Variants in DEPTOR observed in about 807,000 individuals in gnomAD.
DEPTOR encodes the protein DEP domain containing MTOR interacting protein.
A neutral mutation model predicts 41.6 loss-of-function variants in DEPTOR; 41 were observed. The observed-to-expected ratio is 0.98, with a 90% CI of 0.77 to 1.28. DEPTOR has a LOEUF of 1.28. Among genes scored for constraint, DEPTOR ranks in the 50% most tolerant of loss-of-function variants. DEPTOR has a pLI of 0.00. For synonymous variants in DEPTOR, 195 were observed against 192.3 expected, an observed-to-expected ratio of 1.01 and a Z score of -0.12; for missense variants, 514 against 527.9, an observed-to-expected ratio of 0.97 and a Z score of 0.26.
intron 1 of DEPTOR, among the ~76,000 whole-genome samples, chr8:119,906,701 T>C (rs1827668520): frequency 6.6e-6 from 1 of 152,104 alleles, no homozygotes. Context: ...ACCATAAGCC[T>C]AAAGTGATGG....
Position 119,874,036 on chromosome 8 carries a change from G to T in DEPTOR, c.122+68G>T. On this transcript the variant is annotated intron_variant, in intron 1 of 8. Transcript: ENST00000286234. The stretch of plus-strand genomic sequence containing the variant: ...CAACGCGTGCCCGCTGCAGTCCTGC[G>T]CGCACGCGCTCCCTGGCTCGTGGCT... 5 of 1,591,960 alleles carry T rather than the reference G, an allele frequency of 3.1e-6. No individual in the cohort carries two copies. The South Asian group carries it at 3.4e-5, about 11-fold the overall frequency.
chr8:119,957,198 T>C (rs1828428901), intron 3 of DEPTOR, among the ~76,000 whole-genome samples: 1 of 152,116 alleles, frequency 6.6e-6, no homozygotes, highest in African/African-American at 2.4e-5. Context: ...TTGGGGTTGT[T>C]TTTAGTATAT....
At chr8:119,886,953 G>A (rs1050403079) in intron 1 of DEPTOR, among the ~76,000 whole-genome samples, 4 of 152,106 alleles carry the variant, frequency 2.6e-5, no homozygotes, top group African/African-American at 4.8e-5. Context: ...GATACCAAGT[G>A]AAATAAGAGA....
At chr8:119,963,388 T>A (rs1828516697) in intron 3 of DEPTOR, among the ~76,000 whole-genome samples, 1 of 151,936 alleles carries the variant, frequency 6.6e-6, no homozygotes, top group South Asian at 2.1e-4. Context: ...TCTCCCTCTG[T>A]CACTCAGGCT....
intron 4 of DEPTOR, among the ~76,000 whole-genome samples, 200 bp from the exon 5 acceptor site, chr8:120,001,325 T>C (rs1475588987): frequency 6.6e-6 from 1 of 152,108 alleles, no homozygotes; most frequent in Non-Finnish European, 1.5e-5. Flanking sequence ...CCAGAGGAAT[T>C]GGTTAGCAAA....
chr8:119,923,372 T>A (rs1396474735), intron 1 of DEPTOR, among the ~76,000 whole-genome samples: 1 of 152,104 alleles, frequency 6.6e-6, no homozygotes, highest in Non-Finnish European at 1.5e-5. Flanking sequence ...GCCTCCCAAG[T>A]AGCTGGGATT....
At chr8:119,902,915 A>C (rs1041699037) in intron 1 of DEPTOR, among the ~76,000 whole-genome samples, 3 of 142,784 alleles carry the variant, frequency 2.1e-5, no homozygotes, top group African/African-American at 5.5e-5. Context: ...GAATCATCAA[A>C]TTTCAGGGTT....
chr8:120,047,576 A>ACCAGGCTGATCCACCCG (rs1242939204), intron 8 of DEPTOR, among the ~76,000 whole-genome samples: 3 of 150,648 alleles, frequency 2.0e-5, no homozygotes, highest in African/African-American at 7.3e-5. Context: ...CACCATGTTG[A>ACCAGGCTGATCCACCCG]CCAGGCTGAT....
intron 1 of DEPTOR, among the ~76,000 whole-genome samples, chr8:119,903,626 C>T (rs1341493791): frequency 6.6e-6 from 1 of 152,166 alleles, no homozygotes; most frequent in Non-Finnish European, 1.5e-5. Flanking sequence ...GGGATGAGAA[C>T]TGACAGTCTT....
chr8:120,040,888 A>G (rs1030603861), intron 8 of DEPTOR, among the ~76,000 whole-genome samples: 29 of 152,172 alleles, frequency 1.9e-4, no homozygotes, highest in African/African-American at 6.8e-4. Flanking sequence ...TTGCTACTTA[A>G]CATCTTGTTC....
At chr8:119,896,846 T>C (rs1417090013) in intron 1 of DEPTOR, among the ~76,000 whole-genome samples, 1 of 152,088 alleles carries the variant, frequency 6.6e-6, no homozygotes, top group Non-Finnish European at 1.5e-5. Context: ...AAATTAAACT[T>C]ACATAGATGA....
At chr8:120,014,823 C>T (rs1433262320) in intron 8 of DEPTOR, among the ~76,000 whole-genome samples, 1 of 152,064 alleles carries the variant, frequency 6.6e-6, no homozygotes, top group Non-Finnish European at 1.5e-5. Context: ...ATGCCCAACC[C>T]CCAAGCTATT....
chr8:120,021,260 C>T (rs1032011035), intron 8 of DEPTOR, among the ~76,000 whole-genome samples: 13 of 151,700 alleles, frequency 8.6e-5, no homozygotes, highest in African/African-American at 2.2e-4. Context: ...AAAAATTAGC[C>T]GGGCATGGTG....
At chr8:120,014,853 G>A (rs1227918676) in intron 8 of DEPTOR, among the ~76,000 whole-genome samples, 2 of 151,840 alleles carry the variant, frequency 1.3e-5, no homozygotes, top group East Asian at 1.9e-4. Context: ...ACAGTATAAT[G>A]AATATTGTGT....
chr8:119,900,660 A>G (rs1827578792), intron 1 of DEPTOR, among the ~76,000 whole-genome samples: 1 of 151,978 alleles, frequency 6.6e-6, no homozygotes, highest in Non-Finnish European at 1.5e-5. Context: ...AAGTCCTAGG[A>G]TTACAGATGT....
intron 4 of DEPTOR, among the ~76,000 whole-genome samples, chr8:119,995,376 A>G (rs1812243179): frequency 6.6e-6 from 1 of 152,122 alleles, no homozygotes; most frequent in Non-Finnish European, 1.5e-5. Flanking sequence ...ACCTGAGGTC[A>G]GGAGTTCGAG....
chr8:119,903,201 C>G (rs1171822395), intron 1 of DEPTOR, among the ~76,000 whole-genome samples: 3 of 152,088 alleles, frequency 2.0e-5, no homozygotes, highest in Admixed American at 2.0e-4. Context: ...TGGGTTCAAG[C>G]AATTCTCCTG....
chr8:119,976,820 A>G (rs1043148070), intron 4 of DEPTOR, among the ~76,000 whole-genome samples: 1 of 152,112 alleles, frequency 6.6e-6, no homozygotes, highest in African/African-American at 2.4e-5. Context: ...CAGATTCACC[A>G]AGTGGGAGAA....
chr8:119,874,165 A>G, intron 1 of DEPTOR, 197 bp downstream of exon 1: 2 of 838,114 alleles, frequency 2.4e-6, no homozygotes, highest in Non-Finnish European at 3.5e-6. Flanking sequence ...TCGCTCGCCA[A>G]GCGGGGCTGC....
Sources: gnomAD v4.1 joint callset for allele counts (sites outside exome capture counted in the v4.1 genomes callset) on GRCh38, gnomAD v4.1.1 for gene constraint, MANE v1.5 for transcripts, NCBI Gene and HGNC (gene_info 2026-07-23, HGNC 2026-07-21) for gene names.